PAK5: variants seen among roughly 807,000 people sequenced by gnomAD.
PAK5 encodes serine/threonine-protein kinase PAK 5.
A neutral mutation model predicts 65.9 loss-of-function variants in PAK5; 16 were observed. That is an observed-to-expected ratio of 0.24 (90% CI 0.16 to 0.37). PAK5 has a LOEUF of 0.37. Among genes scored for constraint, PAK5 ranks in the 10% least tolerant of loss-of-function variants. The pLI is 1.00. For synonymous variants in PAK5, 371 were observed against 354.9 expected, an observed-to-expected ratio of 1.05 and a Z score of -0.51; for missense variants, 785 against 903.9, an observed-to-expected ratio of 0.87 and a Z score of 1.69.
intron 1 of PAK5, among the ~76,000 whole-genome samples, chr20:9,804,409 T>G (rs1033031681): frequency 1.3e-4 from 20 of 152,042 alleles, no homozygotes; most frequent in African/African-American, 4.3e-4. Flanking sequence ...TCAAGAAAAA[T>G]TCATACATCT....
In PAK5 at chr20:9,771,917, G is replaced by A. The variant is rs193168216; in HGVS notation, c.-161-60482C>T. On this transcript the variant is annotated intron_variant, in intron 1 of 9. Transcript: ENST00000353224. Reference sequence around the variant, plus strand: ...GCCAGGTGTGCTGGTACATGCCCATGGTCCCAGCTACTCAGGAGGCTGAGG... The same window carrying A: ...GCCAGGTGTGCTGGTACATGCCCATAGTCCCAGCTACTCAGGAGGCTGAGG... Among the ~76,000 whole-genome samples, 4 of 152,098 alleles carry A rather than the reference G, an allele frequency of 2.6e-5. No individual in the cohort carries two copies. In the East Asian group the frequency reaches 7.8e-4, roughly 30 times the overall value.
chr20:9,615,718 G>C (rs1415539179), intron 3 of PAK5, among the ~76,000 whole-genome samples: 1 of 152,194 alleles, frequency 6.6e-6, no homozygotes, highest in Non-Finnish European at 1.5e-5. Context: ...AGGAATTTTG[G>C]AAGGGCATCT....
In PAK5 at chr20:9,771,399, T is replaced by C. The variant is rs140735606; in HGVS notation, c.-161-59964A>G. Among the ~76,000 whole-genome samples the C allele has an allele frequency of 4.8e-3, 711 of 147,224 alleles. 6 individuals carry two copies. Among genetic ancestry groups the C allele is most frequent in the African/African-American group, 0.018 (660 of 37,342 alleles). On this transcript the variant is annotated intron_variant, in intron 1 of 9. Transcript: ENST00000353224. ...GGAGTGTCAAGAAAGAGCAGATCTATAATTTAAAAAAATTTTTTTTTTTTT... is the reference window on the plus strand; with the variant it reads ...GGAGTGTCAAGAAAGAGCAGATCTACAATTTAAAAAAATTTTTTTTTTTTT...
chr20:9,780,933 G>T (rs991556630), intron 1 of PAK5, among the ~76,000 whole-genome samples: 2 of 152,066 alleles, frequency 1.3e-5, no homozygotes, highest in Non-Finnish European at 2.9e-5. Context: ...TAGGTATTAT[G>T]ATGATTATTT....
intron 1 of PAK5, among the ~76,000 whole-genome samples, chr20:9,797,076 A>G (rs6056886): frequency 0.58 from 87,572 of 149,896 alleles, 25,681 homozygotes; most frequent in East Asian, 0.65. Flanking sequence ...TTTAATGATC[A>G]CCATTCTAAC....
At chr20:9,612,635 C>G (rs138590390) in intron 3 of PAK5, among the ~76,000 whole-genome samples, 441 of 152,030 alleles carry the variant, frequency 2.9e-3, no homozygotes, top group Non-Finnish European at 4.8e-3. Context: ...AGAACTCCAC[C>G]CCCCCGATCC....
chr20:9,666,566 A>G (rs1452496930), intron 2 of PAK5, among the ~76,000 whole-genome samples: 1 of 152,144 alleles, frequency 6.6e-6, no homozygotes. Flanking sequence ...AGATTGCCTG[A>G]TCAATGATAC....
intron 3 of PAK5, among the ~76,000 whole-genome samples, chr20:9,632,667 T>G (rs184275832): frequency 6.1e-4 from 93 of 152,338 alleles, no homozygotes; most frequent in Admixed American, 1.1e-3. Flanking sequence ...AAAGCATTCC[T>G]TACCCACAGA....
chr20:9,766,013 A>G (rs2048753309), intron 1 of PAK5, among the ~76,000 whole-genome samples: 1 of 152,126 alleles, frequency 6.6e-6, no homozygotes, highest in South Asian at 2.1e-4. Context: ...CACGAGGTCA[A>G]GAGATCAAGA....
At chr20:9,800,112 T>C (rs907263027) in intron 1 of PAK5, among the ~76,000 whole-genome samples, 1 of 152,070 alleles carries the variant, frequency 6.6e-6, no homozygotes, top group African/African-American at 2.4e-5. Flanking sequence ...CCTAATAAAA[T>C]AGAACTGTCT....
chr20:9,838,837 C>T lies in PAK5; in HGVS notation c.-237G>A, dbSNP rs1487531149. 1 of 152,240 alleles carries T rather than the reference C, an allele frequency of 6.6e-6. No homozygotes were observed. Among genetic ancestry groups the T allele is most frequent in the Admixed American group, 6.5e-5 (1 of 15,286 alleles). 9.4% of individuals were successfully genotyped at this position (152,240 alleles called of 1,614,324 possible). On this transcript the variant is annotated 5_prime_UTR_variant, in exon 1 of 10. Coordinates refer to ENST00000353224, the MANE Select transcript of PAK5 (RefSeq NM_177990.4). The surrounding 1 kb of genome is among the most constrained non-coding windows in gnomAD (Gnocchi z 4.5). ...GCTACAGCGCTCCCAGCGCCATGTT[C>T]CCGGTCTCCCCGGGCGCACGCTGGG...
chr20:9,755,306 A>G (rs2048621189), intron 1 of PAK5, among the ~76,000 whole-genome samples: 1 of 152,204 alleles, frequency 6.6e-6, no homozygotes, highest in South Asian at 2.1e-4. Context: ...CTTGAACCTC[A>G]AAAGTCAAAT....
At chr20:9,773,802 C>A (rs917671773) in intron 1 of PAK5, among the ~76,000 whole-genome samples, 2 of 152,108 alleles carry the variant, frequency 1.3e-5, no homozygotes, top group Non-Finnish European at 2.9e-5. Context: ...CTGTAGTTGT[C>A]CCATTTTGCA....
intron 3 of PAK5, among the ~76,000 whole-genome samples, chr20:9,642,099 G>T (rs1215472185): frequency 1.3e-5 from 2 of 152,230 alleles, no homozygotes; most frequent in East Asian, 1.9e-4. Flanking sequence ...CCAGGCAGGG[G>T]AGGTGCCGAG....
intron 1 of PAK5, among the ~76,000 whole-genome samples, chr20:9,755,471 A>G (rs564076003): frequency 8.5e-5 from 13 of 152,196 alleles, no homozygotes; most frequent in Non-Finnish European, 1.6e-4. Context: ...ATGCAAAGAC[A>G]CAGTCTTTGA....
At chr20:9,610,936 C>T (rs1192353315) in intron 3 of PAK5, among the ~76,000 whole-genome samples, 1 of 152,150 alleles carries the variant, frequency 6.6e-6, no homozygotes, top group Non-Finnish European at 1.5e-5. Context: ...GGCCTTTGCC[C>T]CTTTTGGCCT....
chr20:9,552,237 T>C (rs909250209), intron 7 of PAK5, among the ~76,000 whole-genome samples: 1 of 152,258 alleles, frequency 6.6e-6, no homozygotes, highest in African/African-American at 2.4e-5. Context: ...CATAAACTTA[T>C]TGGACTTAGC....
chr20:9,541,449 G>A (rs2045261743), intron 9 of PAK5, among the ~76,000 whole-genome samples: 2 of 152,180 alleles, frequency 1.3e-5, no homozygotes, highest in Admixed American at 6.5e-5. Context: ...TATTAACCAT[G>A]ACCTTCATTG....
chr20:9,799,939 CAAAAAAAAAAAA>C (rs71331383), intron 1 of PAK5, among the ~76,000 whole-genome samples: 5 of 43,660 alleles, frequency 1.1e-4, no homozygotes, highest in African/African-American at 3.6e-4. Context: ...ACTCTGTCTC[CAAAAAAAAAAAA>C]AAAAAAAAAA....
Sources: allele counts gnomAD v4.1 joint callset (sites outside exome capture counted in the v4.1 genomes callset), GRCh38; gene constraint gnomAD v4.1.1; non-coding constraint Gnocchi (gnomAD v3.1); transcripts MANE v1.5; gene names NCBI Gene and HGNC (gene_info 2026-07-23, HGNC 2026-07-21).